CLHC1: variants seen among roughly 807,000 people sequenced by gnomAD.
CLHC1 encodes the protein clathrin heavy chain linker domain-containing protein 1.
Under a neutral mutation model 69.5 loss-of-function variants are expected in CLHC1, and 72 were observed. The ratio of observed to expected loss-of-function variants is 1.04; its 90% CI spans 0.86 to 1.26. The LOEUF (loss-of-function observed/expected upper bound fraction) is 1.26. Ranked by LOEUF, CLHC1 falls within the 50% of genes most tolerant of loss-of-function variation. The pLI is 0.00. For synonymous variants in CLHC1, 223 were observed against 224.3 expected, an observed-to-expected ratio of 0.99 and a Z score of 0.05; for missense variants, 790 against 679.3, an observed-to-expected ratio of 1.16 and a Z score of -1.81.
At chr2:55,213,889 G>A (rs915518198) in intron 4 of CLHC1, among the ~76,000 whole-genome samples, 2 of 152,164 alleles carry the variant, frequency 1.3e-5, no homozygotes, top group East Asian at 1.9e-4. Context: ...GGAGCAGGGT[G>A]GGGTCAGTGG....
rs1674217850 is a variant in CLHC1, at chr2:55,222,378, G to A, written c.34C>T (p.Leu12Phe). The A allele has an allele frequency of 6.2e-7, 1 of 1,613,430 alleles. No homozygotes were observed. Among genetic ancestry groups the A allele is most frequent in the Non-Finnish European group, 8.5e-7 (1 of 1,179,826 alleles). The part of the protein sequence containing the change: ...SVHQIRKHAV[L>F]PPIICRSDKE... ...TCACTTCTACAAATGATAGGTGGGA[G>A]AACTGCATGTTTTCTTATTTGATGA... The change falls in exon 3 of 13, where the codon CTC becomes TTC. Residue 12 changes from leucine to phenylalanine, a missense_variant. Transcript: ENST00000401408.
At chr2:55,197,733 T>C (rs6757361) in intron 9 of CLHC1, among the ~76,000 whole-genome samples, 48,367 of 151,936 alleles carry the variant, frequency 0.32, 7,930 homozygotes, top group African/African-American at 0.38. Flanking sequence ...AAGGACAGGT[T>C]CAAACAAGCC....
intron 2 of CLHC1, chr2:55,224,817 C>T: frequency 3.3e-6 from 1 of 302,712 alleles, no homozygotes; most frequent in Non-Finnish European, 6.8e-6. Context: ...CAAAGAGGCC[C>T]CCCAGCCAGC....
chr2:55,197,014 A>T (rs1322318691), intron 9 of CLHC1, among the ~76,000 whole-genome samples: 1 of 152,114 alleles, frequency 6.6e-6, no homozygotes, highest in African/African-American at 2.4e-5. Context: ...CCACTAGCTG[A>T]CTGAAGAGGC....
At position 55,212,660 on chromosome 2, in the gene CLHC1, C is replaced by G; in HGVS notation, c.499+13G>C. 6.3e-7 allele frequency: 1 copy of G among 1,577,124 alleles called. No individual in the cohort carries two copies. The highest frequency in any genetic ancestry group is 8.7e-7 in the Non-Finnish European group (1 of 1,151,780). On this transcript the variant is annotated intron_variant, in intron 5 of 12. Coordinates refer to ENST00000401408, the MANE Select transcript of CLHC1 (RefSeq NM_152385.4). ...CAGGATTTCTCTCAAATATTTTAAA[C>G]AAAATACAATACCTGGAATAGGTTT...
Position 55,206,288 on chromosome 2 carries a change from T to C in CLHC1, c.988A>G (p.Thr330Ala). The C allele has an allele frequency of 6.3e-7, 1 of 1,597,318 alleles. No homozygotes were observed. Among genetic ancestry groups the C allele is most frequent in the Non-Finnish European group, 8.6e-7 (1 of 1,165,188 alleles). The change falls in exon 9 of 13, where the codon ACA (threonine) becomes GCA (alanine). Residue 330 changes from threonine (T) to alanine (A), a missense_variant. Coordinates refer to ENST00000401408, the MANE Select transcript of CLHC1 (RefSeq NM_152385.4). ...TGCTTACCCTTAAATGTATTCATTG[T>C]ACCAATGTTTCGAAGAATTCTTCTA... ...SPRRILRNIG[T>A]MNTFKAVGKI...
Position 55,181,672 on chromosome 2 carries a change from G to A in CLHC1, c.1079C>T (p.Ala360Val). The change falls in exon 10 of 13, where the codon GCT (alanine) becomes GTT (valine). Residue 360 changes from alanine (A) to valine (V), a missense_variant. Coordinates refer to ENST00000401408, the MANE Select transcript of CLHC1 (RefSeq NM_152385.4). ...FFEALFITSHAFPCPVDAALT... is the reference protein window; with the variant it reads ...FFEALFITSHVFPCPVDAALT... ...AGCTGCATCAACAGGACATGGAAAA[G>A]CATGACTTGTGATAAAGAGGGCCTC... 1.2e-6 allele frequency: 2 copies of A among 1,613,604 alleles called. No homozygotes were observed. Among genetic ancestry groups the A allele is most frequent in the Non-Finnish European group, 1.7e-6 (2 of 1,179,608 alleles).
chr2:55,221,811 A>T (rs775181307), intron 3 of CLHC1, among the ~76,000 whole-genome samples: 1 of 152,162 alleles, frequency 6.6e-6, no homozygotes, highest in African/African-American at 2.4e-5. Flanking sequence ...CCTTGTCTCT[A>T]CAAAAAATTT....
intron 3 of CLHC1, among the ~76,000 whole-genome samples, chr2:55,221,095 G>C (rs981340849): frequency 2.6e-5 from 4 of 152,116 alleles, no homozygotes; most frequent in Non-Finnish European, 5.9e-5. Context: ...TTATTTAGAG[G>C]AGAAATAAGA....
intron 1 of CLHC1, among the ~76,000 whole-genome samples, chr2:55,231,022 G>T (rs1188583825): frequency 6.6e-6 from 1 of 152,206 alleles, no homozygotes; most frequent in Non-Finnish European, 1.5e-5. Flanking sequence ...GGCCAAGGAG[G>T]ATGGATCATT....
Position 55,212,667 on chromosome 2 carries a change from C to T in CLHC1, c.499+6G>A, listed in dbSNP as rs775858944. 2 of 1,585,842 alleles carry T rather than the reference C, an allele frequency of 1.3e-6. No individual in the cohort carries two copies. The highest frequency in any genetic ancestry group is 1.1e-5 in the South Asian group (1 of 89,298). Reference sequence around the variant, plus strand: ...TCTCTCAAATATTTTAAACAAAATACAATACCTGGAATAGGTTTTGAAGGA... The same window carrying T: ...TCTCTCAAATATTTTAAACAAAATATAATACCTGGAATAGGTTTTGAAGGA... On this transcript the variant is annotated splice_donor_region_variant and intron_variant, in intron 5 of 12. Coordinates refer to ENST00000401408, the MANE Select transcript of CLHC1 (RefSeq NM_152385.4).
At chr2:55,181,770 G>C in intron 9 of CLHC1, 26 bp from the exon 10 acceptor site, 3 of 1,579,242 alleles carry the variant, frequency 1.9e-6, no homozygotes, top group South Asian at 1.1e-5. Context: ...AATTTTCTGA[G>C]TCAAATACTT....
At chr2:55,224,162 G>C (rs567089491) in intron 2 of CLHC1, 1 of 194,818 alleles carries the variant, frequency 5.1e-6, no homozygotes, top group African/African-American at 2.4e-5. Flanking sequence ...ACCCAGCGGC[G>C]AAGCCCATAC....
intron 9 of CLHC1, among the ~76,000 whole-genome samples, chr2:55,199,875 G>A (rs912984270): frequency 3.3e-5 from 5 of 152,234 alleles, no homozygotes; most frequent in Admixed American, 6.5e-5. Flanking sequence ...AATGACAGGA[G>A]TGAGTCCTTA....
At chr2:55,211,734 A>C (rs1418667175) in intron 5 of CLHC1, among the ~76,000 whole-genome samples, 1 of 152,078 alleles carries the variant, frequency 6.6e-6, no homozygotes, top group Non-Finnish European at 1.5e-5. Flanking sequence ...ATCTTTTCTC[A>C]AAGTCTTTCT....
At chr2:55,232,401 C>A (rs1675505764), upstream of CLHC1, 4 of 281,516 alleles carry the variant, frequency 1.4e-5, no homozygotes, top group East Asian at 2.7e-4. Context: ...CCCAAGAGGC[C>A]CCCCTCGACC....
chr2:55,203,932 G>A lies in CLHC1; in HGVS notation c.1006+2338C>T, dbSNP rs551612930. Among the ~76,000 whole-genome samples, 45 of 152,192 alleles carry A rather than the reference G, an allele frequency of 3.0e-4. 1 individual carries two copies. The highest frequency in any genetic ancestry group is 1.1e-3 in the African/African-American group (45 of 41,524). On this transcript the variant is annotated intron_variant, in intron 9 of 12. Coordinates refer to ENST00000401408, the MANE Select transcript of CLHC1 (RefSeq NM_152385.4). ...CCACCTAACAAGGAGTTCATAACCA[G>A]AATACATAAGGAGCTCAAACAACTC...
chr2:55,177,298 T>C (rs1391887652), intron 12 of CLHC1, among the ~76,000 whole-genome samples: 1 of 152,220 alleles, frequency 6.6e-6, no homozygotes, highest in African/African-American at 2.4e-5. Context: ...AAAATACATA[T>C]AAAAGCTAAA....
chr2:55,177,079 C>A (rs1243686337), intron 12 of CLHC1, among the ~76,000 whole-genome samples: 3 of 152,070 alleles, frequency 2.0e-5, no homozygotes, highest in Non-Finnish European at 4.4e-5. Context: ...TGCCATGTTG[C>A]CCTGGCTGGT....
Sources: allele counts gnomAD v4.1 joint callset (sites outside exome capture counted in the v4.1 genomes callset), GRCh38; gene constraint gnomAD v4.1.1; transcripts MANE v1.5; gene names NCBI Gene and HGNC (gene_info 2026-07-23, HGNC 2026-07-21).